Variants in GABRB3 observed in about 807,000 individuals in gnomAD.
The protein encoded by GABRB3 is gamma-aminobutyric acid receptor subunit beta-3.
A neutral mutation model predicts 52.1 loss-of-function variants in GABRB3; 14 were observed. The ratio of observed to expected loss-of-function variants is 0.27; its 90% CI spans 0.18 to 0.42. The LOEUF (loss-of-function observed/expected upper bound fraction) is 0.42, where lower values mean the gene tolerates loss of function less well. GABRB3 is among the 10% of genes least tolerant of loss of function. GABRB3 has a pLI of 1.00. For missense variants in GABRB3, 307 were observed against 609.1 expected (o/e 0.50, Z 5.22); for synonymous variants, 260 against 232.3 (o/e 1.12, Z -1.08).
At chr15:26,679,403 G>A (rs1248744074) in intron 3 of GABRB3, among the ~76,000 whole-genome samples, 2 of 152,018 alleles carry the variant, frequency 1.3e-5, no homozygotes, top group Admixed American at 6.5e-5. Context: ...TTGAGAAGTC[G>A]CACATACGTA....
At chr15:26,579,076 T>C (rs1595455478) in intron 6 of GABRB3, among the ~76,000 whole-genome samples, 2 of 152,334 alleles carry the variant, frequency 1.3e-5, no homozygotes, top group South Asian at 2.1e-4. Context: ...TCATGTACTT[T>C]GGCTCTTAGG....
chr15:26,756,695 T>C (rs1264867649), intron 3 of GABRB3, among the ~76,000 whole-genome samples: 1 of 102,742 alleles, frequency 9.7e-6, no homozygotes, highest in Non-Finnish European at 1.9e-5. Flanking sequence ...TAAAGTCACA[T>C]ATGTGCTATG....
intron 4 of GABRB3, among the ~76,000 whole-genome samples, chr15:26,585,230 G>T (rs899378480): frequency 6.6e-6 from 1 of 152,170 alleles, no homozygotes; most frequent in African/African-American, 2.4e-5. Context: ...TGGGGAGTAA[G>T]AATGAAAATG....
intron 3 of GABRB3, among the ~76,000 whole-genome samples, chr15:26,706,691 A>G (rs1321643465): frequency 6.6e-6 from 1 of 152,256 alleles, no homozygotes; most frequent in African/African-American, 2.4e-5. Context: ...TAAAAAAGGA[A>G]TGAGTGAAGC....
At chr15:26,629,168 GC>G (rs1892832448) in intron 3 of GABRB3, 1 of 1,494,392 alleles carries the variant, frequency 6.7e-7, no homozygotes, top group South Asian at 1.3e-5. Flanking sequence ...GTGGGGAGAA[GC>G]AGCTCCCGGG....
At chr15:26,754,068 G>C (rs948456307) in intron 3 of GABRB3, among the ~76,000 whole-genome samples, 13 of 152,272 alleles carry the variant, frequency 8.5e-5, no homozygotes, top group African/African-American at 2.6e-4. Flanking sequence ...GTTTTCCCCA[G>C]CAACTTTTGG....
intron 3 of GABRB3, among the ~76,000 whole-genome samples, chr15:26,642,085 G>T (rs536176398): frequency 1.3e-5 from 2 of 152,102 alleles, no homozygotes; most frequent in African/African-American, 4.8e-5. Context: ...GCGAGACAGG[G>T]TCTCATCATG....
rs1891165838 is a variant in GABRB3 at position 26,772,177 on chromosome 15, A to C, written c.240+225T>G. 7 of 455,824 alleles carry C rather than the reference A, an allele frequency of 1.5e-5. No individual in the cohort carries two copies. The East Asian group carries it at 2.4e-4, about 16-fold the overall frequency. The allele number at this position is 455,824 out of a possible 1,614,324, so 28.2% of individuals were successfully genotyped here. On this transcript the variant is annotated intron_variant, in intron 3 of 8. Transcript: ENST00000311550. ...GGCCGGCCAGGACTCCCCCGCAGGAAGGGTGCGCCCTCGCGGCTCCGACGC... is the reference window on the plus strand; with the variant it reads ...GGCCGGCCAGGACTCCCCCGCAGGACGGGTGCGCCCTCGCGGCTCCGACGC...
At chr15:26,734,667 G>A (rs1009816982) in intron 3 of GABRB3, among the ~76,000 whole-genome samples, 12 of 144,416 alleles carry the variant, frequency 8.3e-5, no homozygotes, top group Admixed American at 6.3e-4. Flanking sequence ...GCCTGGTGTA[G>A]TGGCTCATAC....
chr15:26,752,641 T>A (rs1267387384), intron 3 of GABRB3, among the ~76,000 whole-genome samples: 1 of 152,160 alleles, frequency 6.6e-6, no homozygotes, highest in Non-Finnish European at 1.5e-5. Flanking sequence ...ATGTACCACA[T>A]CAGGCCTTGA....
chr15:26,650,171 G>A (rs1404911827), intron 3 of GABRB3, among the ~76,000 whole-genome samples: 2 of 152,188 alleles, frequency 1.3e-5, no homozygotes, highest in Non-Finnish European at 2.9e-5. Context: ...GGTGCTTCAT[G>A]TACATCACCC....
intron 8 of GABRB3, among the ~76,000 whole-genome samples, chr15:26,554,619 C>A (rs553224227): frequency 1.4e-4 from 21 of 152,256 alleles, no homozygotes; most frequent in East Asian, 7.8e-4. Flanking sequence ...GTGACCAAAT[C>A]CATGACAAAT....
intron 3 of GABRB3, among the ~76,000 whole-genome samples, chr15:26,639,763 CT>C (rs1461254209): frequency 1.3e-5 from 2 of 152,220 alleles, no homozygotes; most frequent in Non-Finnish European, 2.9e-5. Context: ...CATTCGATTT[CT>C]TTAAGCTGTT....
chr15:26,562,045 GACCATGTATTGCAATTCTCC>G (rs1260451003), intron 7 of GABRB3, among the ~76,000 whole-genome samples: 1 of 152,112 alleles, frequency 6.6e-6, no homozygotes, highest in African/African-American at 2.4e-5. Context: ...ACCATGTGTG[GACCATGTATTGCAATTCTCC>G]CTCCCATAGC....
chr15:26,656,921 A>T (rs1261786523), intron 3 of GABRB3: 1 of 152,240 alleles, frequency 6.6e-6, no homozygotes. Context: ...TTTCAAATAG[A>T]GACTGAAACA....
At chr15:26,586,397 A>AACACACAC (rs56386894) in intron 4 of GABRB3, among the ~76,000 whole-genome samples, 6,792 of 137,944 alleles carry the variant, frequency 0.049, 272 homozygotes, top group Non-Finnish European at 0.066. Flanking sequence ...AACCACCCCT[A>AACACACAC]ACACACACAC....
chr15:26,731,659 T>C (rs557073746), intron 3 of GABRB3, among the ~76,000 whole-genome samples: 9 of 152,344 alleles, frequency 5.9e-5, no homozygotes, highest in African/African-American at 2.2e-4. Flanking sequence ...TCTCACACTC[T>C]GCATTTTTAT....
At chr15:26,684,304 A>T (rs1025506142) in intron 3 of GABRB3, among the ~76,000 whole-genome samples, 1 of 152,182 alleles carries the variant, frequency 6.6e-6, no homozygotes, top group Non-Finnish European at 1.5e-5. Flanking sequence ...TCCTGGACGC[A>T]GGGTGGAGGT....
chr15:26,633,073 GC>G (rs1892953051), intron 3 of GABRB3, among the ~76,000 whole-genome samples: 2 of 152,208 alleles, frequency 1.3e-5, no homozygotes, highest in South Asian at 2.1e-4. Context: ...AGAAATCCCA[GC>G]CCAATGGTGT....
Sources: gnomAD v4.1 joint callset for allele counts (sites outside exome capture counted in the v4.1 genomes callset) on GRCh38, gnomAD v4.1.1 for gene constraint, MANE v1.5 for transcripts, NCBI Gene and HGNC (gene_info 2026-07-23, HGNC 2026-07-21) for gene names.